Variants in FAM3C observed in about 807,000 individuals in gnomAD.
The protein encoded by FAM3C is protein FAM3C.
Under a neutral mutation model 32.5 loss-of-function variants are expected in FAM3C, and 15 were observed. The ratio of observed to expected loss-of-function variants is 0.46; its 90% CI spans 0.31 to 0.71. The LOEUF (loss-of-function observed/expected upper bound fraction) is 0.71. FAM3C is among the 30% of genes least tolerant of loss of function. The pLI is 0.05. For synonymous variants in FAM3C, 75 were observed against 86.1 expected (o/e 0.87, Z 0.72); for missense variants, 175 against 274.4 (o/e 0.64, Z 2.56).
chr7:121,374,131 C>A (rs536446510), intron 3 of FAM3C, among the ~76,000 whole-genome samples: 1 of 152,068 alleles, frequency 6.6e-6, no homozygotes, highest in African/African-American at 2.4e-5. Flanking sequence ...CACCACAATG[C>A]TGAATAAGAT....
Position 121,360,023 on chromosome 7 carries a change from G to A in FAM3C, c.467+20C>T. 3 of 1,227,982 alleles carry A rather than the reference G, an allele frequency of 2.4e-6. No homozygotes were observed. Among genetic ancestry groups the A allele is most frequent in the Non-Finnish European group, 3.5e-6 (3 of 848,274 alleles). 76.1% of individuals were successfully genotyped at this position (1,227,982 alleles called of 1,614,324 possible). A position where few individuals can be genotyped will look rare whatever the true frequency, so the allele number is the denominator to read the frequency against. ...TAATTACAAATTATAGTTCCAAAAA[G>A]TTCTGTAAAGTTTACATACTTGGTT... is the stretch of plus-strand genomic sequence containing the variant. On this transcript the variant is annotated intron_variant, in intron 8 of 9. Transcript: ENST00000359943.
At chr7:121,393,567 T>C (rs1794622092) in intron 1 of FAM3C, among the ~76,000 whole-genome samples, 1 of 151,948 alleles carries the variant, frequency 6.6e-6, no homozygotes, top group Non-Finnish European at 1.5e-5. Context: ...AGATTAAAAA[T>C]AAGGGAAATA....
intron 1 of FAM3C, among the ~76,000 whole-genome samples, chr7:121,395,295 A>C (rs1794664664): frequency 6.7e-6 from 1 of 150,342 alleles, no homozygotes; most frequent in African/African-American, 2.5e-5. Flanking sequence ...ATGGATACAT[A>C]CATATATATG....
Position 121,364,503 on chromosome 7 carries a change from G to A in FAM3C, c.273-315C>T, listed in dbSNP as rs1562885998. The A allele has an allele frequency of 1.3e-5, 3 of 239,502 alleles. No homozygotes were observed. In the East Asian group the frequency reaches 3.0e-4, roughly 24 times the overall value. 14.8% of individuals were successfully genotyped at this position (239,502 alleles called of 1,614,324 possible). ...AACATGGACATTAAGCATATGTTCTGCATCATTCTTAAGGTATCAAACAAA... is the reference window on the plus strand; with the variant it reads ...AACATGGACATTAAGCATATGTTCTACATCATTCTTAAGGTATCAAACAAA... On this transcript the variant is annotated intron_variant, in intron 5 of 9. Coordinates refer to ENST00000359943, the MANE Select transcript of FAM3C (RefSeq NM_014888.3).
At chr7:121,390,240 T>G (rs1794547971) in intron 1 of FAM3C, among the ~76,000 whole-genome samples, 2 of 152,202 alleles carry the variant, frequency 1.3e-5, no homozygotes, top group Admixed American at 1.3e-4. Context: ...TCATTTTAAC[T>G]AAACTCAGGA....
intron 5 of FAM3C, 74 bp from the exon 6 acceptor site, chr7:121,364,262 C>CA: frequency 1.0e-6 from 1 of 998,900 alleles, no homozygotes; most frequent in Non-Finnish European, 1.5e-6. Flanking sequence ...TAAAGTCTTG[C>CA]AAAAAAAGTT....
rs531114492 is a variant in FAM3C, at chr7:121,358,716, T to C, written c.467+1327A>G. On this transcript the variant is annotated intron_variant, in intron 8 of 9. Transcript: ENST00000359943. ...AGTGAAATCACTGGAAGAGAAAATC[T>C]ACTAAATATCTAACCTGGAGGTGGA... is the stretch of plus-strand genomic sequence containing the variant. Among the ~76,000 whole-genome samples, 3 of 152,088 alleles carry C rather than the reference T, an allele frequency of 2.0e-5. No individual in the cohort carries two copies. The East Asian group carries it at 5.8e-4, about 29-fold the overall frequency.
intron 1 of FAM3C, among the ~76,000 whole-genome samples, chr7:121,387,781 T>A (rs1794492596): frequency 6.6e-6 from 1 of 152,118 alleles, no homozygotes; most frequent in Non-Finnish European, 1.5e-5. Flanking sequence ...GGTGTTTATA[T>A]GGGATTATTT....
At chr7:121,362,581 T>C (rs1201828841) in intron 7 of FAM3C, 1 of 250,912 alleles carries the variant, frequency 4.0e-6, no homozygotes. Context: ...TTTTAAATTT[T>C]AGACACACTT....
intron 5 of FAM3C, among the ~76,000 whole-genome samples, chr7:121,368,085 CATCTTT>C (rs1435740567): frequency 6.6e-6 from 1 of 152,132 alleles, no homozygotes; most frequent in African/African-American, 2.4e-5. Flanking sequence ...ATTTAAAACA[CATCTTT>C]ATCAGCATAA....
chr7:121,372,103 T>C lies in FAM3C; in HGVS notation c.148+7A>G, dbSNP rs372737376. The C allele has an allele frequency of 1.2e-5, 19 of 1,599,096 alleles. No individual in the cohort carries two copies. Among genetic ancestry groups the C allele is most frequent in the Non-Finnish European group, 1.5e-5 (18 of 1,168,708 alleles). On this transcript the variant is annotated splice_region_variant and intron_variant, in intron 4 of 9. Coordinates refer to ENST00000359943, the MANE Select transcript of FAM3C (RefSeq NM_014888.3). Reference sequence around the variant, plus strand: ...TCATACATAAAATATTGAGATGAAATACTTACAACGTGCAGCTGTGTCCAA... The same window carrying C: ...TCATACATAAAATATTGAGATGAAACACTTACAACGTGCAGCTGTGTCCAA...
intron 1 of FAM3C, among the ~76,000 whole-genome samples, chr7:121,387,530 A>C (rs1794489360): frequency 1.3e-5 from 2 of 152,130 alleles, no homozygotes; most frequent in South Asian, 4.1e-4. Context: ...AAGAAGCATA[A>C]TTCCATGAGA....
At chr7:121,354,833 ACT>A (rs1468670159) in intron 8 of FAM3C, among the ~76,000 whole-genome samples, 1 of 151,992 alleles carries the variant, frequency 6.6e-6, no homozygotes, top group African/African-American at 2.4e-5. Context: ...AAACAGAAAA[ACT>A]CTATAATTTT....
intron 7 of FAM3C, 97 bp downstream of exon 7, chr7:121,362,800 C>T: frequency 1.4e-6 from 1 of 716,278 alleles, no homozygotes; most frequent in Non-Finnish European, 2.5e-6. Flanking sequence ...TGAACTAACG[C>T]AAATAGCATC....
intron 3 of FAM3C, among the ~76,000 whole-genome samples, chr7:121,375,543 C>T (rs1350477930): frequency 1.3e-5 from 2 of 152,020 alleles, no homozygotes; most frequent in African/African-American, 2.4e-5. Context: ...AGGCAGATAT[C>T]AGAGATGAGA....
intron 8 of FAM3C, among the ~76,000 whole-genome samples, chr7:121,357,364 T>C (rs1793835233): frequency 6.6e-6 from 1 of 152,096 alleles, no homozygotes; most frequent in Admixed American, 6.6e-5. Context: ...GAGGTAAAAT[T>C]CAATGGCCTT....
Position 121,371,330 on chromosome 7 carries a change from A to T in FAM3C, c.242T>A (p.Val81Glu), listed in dbSNP as rs776785879. The change falls in exon 5 of 10, where the codon GTG becomes GAG. Residue 81 changes from valine (V) to glutamate (E), a missense_variant. By Grantham distance (121) the Val-to-Glu change is moderately radical (BLOSUM62 -2). Coordinates refer to ENST00000359943, the MANE Select transcript of FAM3C (RefSeq NM_014888.3). The part of the protein sequence containing the change: ...FKMASGAANV[V>E]GPKICLEDNV... ...ATCTTCCAGGCAGATTTTGGGTCCCACCACGTTGGCTGCTCCACTTGCCAT... is the reference window on the plus strand; with the variant it reads ...ATCTTCCAGGCAGATTTTGGGTCCCTCCACGTTGGCTGCTCCACTTGCCAT... 1 of 1,613,556 alleles carries T rather than the reference A, an allele frequency of 6.2e-7. No homozygotes were observed. Among genetic ancestry groups the T allele is most frequent in the Non-Finnish European group, 8.5e-7 (1 of 1,179,916 alleles).
intron 1 of FAM3C, among the ~76,000 whole-genome samples, chr7:121,386,198 T>G (rs1479047972): frequency 6.6e-6 from 1 of 152,144 alleles, no homozygotes; most frequent in African/African-American, 2.4e-5. Flanking sequence ...AAATACACCC[T>G]TTGATGTACC....
chr7:121,369,139 G>A (rs1437732796), intron 5 of FAM3C, among the ~76,000 whole-genome samples: 1 of 151,764 alleles, frequency 6.6e-6, no homozygotes, highest in Non-Finnish European at 1.5e-5. Context: ...GTGCCACCAC[G>A]CCCGGCTAAC....
Sources: gnomAD v4.1 joint callset for allele counts (sites outside exome capture counted in the v4.1 genomes callset) on GRCh38, gnomAD v4.1.1 for gene constraint, MANE v1.5 for transcripts, NCBI Gene and HGNC (gene_info 2026-07-23, HGNC 2026-07-21) for gene names.